Variants in GNG4 observed in about 807,000 individuals in gnomAD.
GNG4 encodes the protein guanine nucleotide-binding protein G(I)/G(S)/G(O) subunit gamma-4.
Under a neutral mutation model 5.8 loss-of-function variants are expected in GNG4, and 4 were observed. That is an observed-to-expected ratio of 0.69 (90% CI 0.34 to 1.57). GNG4 has a LOEUF of 1.57. GNG4 is among the 40% of genes most tolerant of loss of function. GNG4 has a pLI of 0.06. For missense variants in GNG4, 96 were observed against 95.1 expected, an observed-to-expected ratio of 1.01 and a Z score of -0.04; for synonymous variants, 29 against 32.9, an observed-to-expected ratio of 0.88 and a Z score of 0.41.
chr1:235,618,091 G>A (rs1688635155), intron 1 of GNG4, among the ~76,000 whole-genome samples: 1 of 152,122 alleles, frequency 6.6e-6, no homozygotes, highest in Non-Finnish European at 1.5e-5. Flanking sequence ...GCTTAAACAA[G>A]GGTAATCAGA....
intron 3 of GNG4, among the ~76,000 whole-genome samples, chr1:235,567,970 G>A (rs931042741): frequency 6.6e-6 from 1 of 152,028 alleles, no homozygotes; most frequent in African/African-American, 2.4e-5. Flanking sequence ...CCACAAACAG[G>A]CCCTTGCACA....
chr1:235,560,353 C>G (rs1226360840), intron 3 of GNG4, among the ~76,000 whole-genome samples: 3 of 152,154 alleles, frequency 2.0e-5, no homozygotes, highest in Non-Finnish European at 4.4e-5. Context: ...GAATGGGCTC[C>G]TTATAAAAGG....
Position 235,587,238 on chromosome 1 carries a change from A to AGAGTGTGG in GNG4, c.-10-3391_-10-3390insCCACACTC, listed in dbSNP as rs140557033. ...GGGTGTGGGTGAGTGTGAGTGTGTG[A>AGAGTGTGG]GGTGGGGTGTGTGTGATGACAGTGT... On this transcript the variant is annotated intron_variant, in intron 2 of 3. Transcript: ENST00000391854. 1.4e-4 allele frequency among the ~76,000 whole-genome samples: 16 copies of AGAGTGTGG among 115,766 alleles called. No homozygotes were observed. In the East Asian group the frequency reaches 3.5e-3, roughly 25 times the overall value. 75.9% of individuals were successfully genotyped at this position (115,766 alleles called of 152,430 possible).
At chr1:235,572,357 G>A (rs888350830) in intron 3 of GNG4, among the ~76,000 whole-genome samples, 1 of 151,842 alleles carries the variant, frequency 6.6e-6, no homozygotes, top group African/African-American at 2.4e-5. Context: ...TCGCTACCAC[G>A]CCTGGCTAAT....
chr1:235,577,256 G>A (rs555584408), intron 3 of GNG4, among the ~76,000 whole-genome samples: 114 of 152,148 alleles, frequency 7.5e-4, no homozygotes, highest in African/African-American at 2.4e-3. Flanking sequence ...CCCATCTGCC[G>A]TGCTCTCACC....
chr1:235,557,663 CTT>C (rs775501544), intron 3 of GNG4, among the ~76,000 whole-genome samples: 3 of 152,178 alleles, frequency 2.0e-5, no homozygotes, highest in East Asian at 1.9e-4. Context: ...CAGTTCGACT[CTT>C]TTAATTCTCT....
At chr1:235,597,398 T>TC (rs1688146360) in intron 1 of GNG4, among the ~76,000 whole-genome samples, 4 of 69,604 alleles carry the variant, frequency 5.7e-5, no homozygotes, top group Non-Finnish European at 6.6e-5. Context: ...ATGTCCCCCC[T>TC]ACCCCCCCCA....
At chr1:235,598,772 C>T (rs1688186273) in intron 1 of GNG4, among the ~76,000 whole-genome samples, 1 of 150,732 alleles carries the variant, frequency 6.6e-6, no homozygotes, top group South Asian at 2.1e-4. Flanking sequence ...GTTGCCCAGG[C>T]TGGAGTGCAG....
intron 2 of GNG4, among the ~76,000 whole-genome samples, chr1:235,594,158 G>A (rs1277990542): frequency 6.6e-6 from 1 of 152,060 alleles, no homozygotes; most frequent in Admixed American, 6.5e-5. Flanking sequence ...TCCACACAAA[G>A]GTTCTCCAAG....
intron 3 of GNG4, among the ~76,000 whole-genome samples, chr1:235,576,639 A>C (rs887870387): frequency 6.6e-6 from 1 of 152,186 alleles, no homozygotes; most frequent in African/African-American, 2.4e-5. Flanking sequence ...TTTGCAAAGA[A>C]CACACATCTT....
At chr1:235,641,395 CTAAA>C (rs1205947351) in intron 1 of GNG4, among the ~76,000 whole-genome samples, 1 of 150,970 alleles carries the variant, frequency 6.6e-6, no homozygotes, top group Admixed American at 6.6e-5. Context: ...GCCTCTAAAA[CTAAA>C]TAAATAATCG....
intron 1 of GNG4, among the ~76,000 whole-genome samples, chr1:235,596,211 C>A (rs59059951): frequency 2.7e-5 from 2 of 72,842 alleles, no homozygotes; most frequent in African/African-American, 4.0e-4. Flanking sequence ...AAACAAAATA[C>A]ACACACACAC....
At chr1:235,573,970 G>A (rs779267901) in intron 3 of GNG4, among the ~76,000 whole-genome samples, 3 of 152,046 alleles carry the variant, frequency 2.0e-5, no homozygotes, top group Admixed American at 6.6e-5. Flanking sequence ...AAAGCAATAA[G>A]TGTACATTAT....
intron 1 of GNG4, among the ~76,000 whole-genome samples, chr1:235,640,929 A>G (rs4409642): frequency 0.35 from 52,992 of 152,238 alleles, 10,413 homozygotes; most frequent in East Asian, 0.62. Context: ...TGGAGTGAGA[A>G]GGGGCTGCTT....
intron 1 of GNG4, among the ~76,000 whole-genome samples, chr1:235,640,944 C>A (rs79537076): frequency 2.6e-5 from 4 of 152,224 alleles, no homozygotes; most frequent in African/African-American, 9.6e-5. Context: ...CTGCTTCTTG[C>A]GTGTCATTTT....
At chr1:235,650,023 C>G (rs956413861), upstream of GNG4, 1 of 150,810 alleles carries the variant, frequency 6.6e-6, no homozygotes, top group African/African-American at 2.4e-5. Flanking sequence ...CACTCCGCCG[C>G]GGGGTCTCGC....
intron 1 of GNG4, among the ~76,000 whole-genome samples, chr1:235,643,746 G>A (rs1267909879): frequency 6.6e-6 from 1 of 152,236 alleles, no homozygotes; most frequent in Non-Finnish European, 1.5e-5. Context: ...GAAGATCACA[G>A]TGAGATCAGC....
At chr1:235,561,811 T>C (rs188705920) in intron 3 of GNG4, among the ~76,000 whole-genome samples, 10 of 152,368 alleles carry the variant, frequency 6.6e-5, no homozygotes, top group Admixed American at 3.3e-4. Flanking sequence ...TCTTAAATTT[T>C]ACTGTAATCT....
At chr1:235,625,214 C>G (rs1688785407) in intron 1 of GNG4, among the ~76,000 whole-genome samples, 1 of 152,174 alleles carries the variant, frequency 6.6e-6, no homozygotes, top group African/African-American at 2.4e-5. Context: ...TGGGACAGTA[C>G]TTTTCTTCCC....
Sources: gnomAD v4.1 joint callset for allele counts (sites outside exome capture counted in the v4.1 genomes callset) on GRCh38, gnomAD v4.1.1 for gene constraint, MANE v1.5 for transcripts, NCBI Gene and HGNC (gene_info 2026-07-23, HGNC 2026-07-21) for gene names.